The following RBMS3 variants were observed in gnomAD, a reference collection of about 807,000 sequenced individuals.
RBMS3 encodes RNA-binding motif, single-stranded-interacting protein 3.
Under a neutral mutation model 66.8 loss-of-function variants are expected in RBMS3, and 27 were observed. That is an observed-to-expected ratio of 0.40 (90% confidence interval 0.30 to 0.56). The LOEUF (loss-of-function observed/expected upper bound fraction) is 0.56, where lower values mean the gene tolerates loss of function less well. Among genes scored for constraint, RBMS3 ranks in the 20% least tolerant of loss-of-function variants. The pLI is 0.40. For missense variants in RBMS3, 513 were observed against 549.5 expected (o/e 0.93, Z 0.66); for synonymous variants, 188 against 183.0 (o/e 1.03, Z -0.22).
intron 12 of RBMS3, among the ~76,000 whole-genome samples, chr3:29,952,342 A>G (rs1695738359): frequency 6.6e-6 from 1 of 151,882 alleles, no homozygotes; most frequent in Non-Finnish European, 1.5e-5. Flanking sequence ...CAATATTTCC[A>G]TAACCAATAG....
At chr3:29,950,052 T>C (rs1260111997) in intron 12 of RBMS3, among the ~76,000 whole-genome samples, 1 of 151,786 alleles carries the variant, frequency 6.6e-6, no homozygotes, top group African/African-American at 2.4e-5. Context: ...CTATTCTATT[T>C]CCCCCTGGGT....
At chr3:29,711,700 G>A (rs78379878) in intron 4 of RBMS3, among the ~76,000 whole-genome samples, 4,301 of 152,192 alleles carry the variant, frequency 0.028, 88 homozygotes, top group Admixed American at 0.064. Context: ...TTCTTCCCAT[G>A]GCTCCATACA....
chr3:29,843,992 A>G (rs143675583), intron 6 of RBMS3, among the ~76,000 whole-genome samples: 1 of 151,932 alleles, frequency 6.6e-6, no homozygotes, highest in Non-Finnish European at 1.5e-5. Flanking sequence ...TAGTCTGTTC[A>G]CAGTATAATT....
chr3:29,654,253 T>A (rs1484863896), intron 4 of RBMS3, among the ~76,000 whole-genome samples: 1 of 152,154 alleles, frequency 6.6e-6, no homozygotes. Flanking sequence ...TGGAATATAG[T>A]AGGGAGAGAT....
intron 10 of RBMS3, among the ~76,000 whole-genome samples, 176 bp downstream of exon 10, chr3:29,899,931 C>A (rs1338527627): frequency 2.0e-5 from 3 of 151,264 alleles, no homozygotes; most frequent in African/African-American, 7.3e-5. Context: ...CAATAGATAG[C>A]TAGAGATCAA....
chr3:29,497,973 A>ATTTTTTTTTTTTTTTTTTTTTTTTTTTTT lies in RBMS3; in HGVS notation c.307+9483_307+9511dup, dbSNP rs779555263. Among the ~76,000 whole-genome samples, 2 of 43,416 alleles carry ATTTTTTTTTTTTTTTTTTTTTTTTTTTTT rather than the reference A, an allele frequency of 4.6e-5. 1 individual carries two copies. The highest frequency in any genetic ancestry group is 8.2e-5 in the Non-Finnish European group (2 of 24,412). 28.5% of individuals were successfully genotyped at this position (43,416 alleles called of 152,430 possible). A position where few individuals can be genotyped will look rare whatever the true frequency, so the allele number is the denominator to read the frequency against. Reference sequence around the variant, plus strand: ...TCAGAGTTATTCTCTAAAAGTATTCATTTTTTTTTTTTTTTTTTTTTTTTT... The same window carrying ATTTTTTTTTTTTTTTTTTTTTTTTTTTTT: ...TCAGAGTTATTCTCTAAAAGTATTCATTTTTTTTTTTTTTTTTTTTTTTTTTTTTTTTTTTTTTTTTTTTTTTTTTTTTT... On this transcript the variant is annotated intron_variant, in intron 3 of 14. Coordinates refer to ENST00000383767, the MANE Select transcript of RBMS3 (RefSeq NM_001003793.3).
At chr3:29,773,135 G>A (rs547481747) in intron 6 of RBMS3, among the ~76,000 whole-genome samples, 1 of 151,886 alleles carries the variant, frequency 6.6e-6, no homozygotes, top group South Asian at 2.1e-4. Flanking sequence ...GGAGCTCCTC[G>A]AGGTTATAAT....
intron 6 of RBMS3, among the ~76,000 whole-genome samples, chr3:29,809,065 T>C (rs927377746): frequency 5.9e-5 from 9 of 152,046 alleles, no homozygotes; most frequent in African/African-American, 2.2e-4. Flanking sequence ...TATCCAAATA[T>C]CTAGTTAGTA....
chr3:29,448,840 G>T (rs905466071), intron 2 of RBMS3, among the ~76,000 whole-genome samples: 2 of 152,156 alleles, frequency 1.3e-5, no homozygotes, highest in Non-Finnish European at 2.9e-5. Context: ...TAACAGAACT[G>T]AGGCACTAAG....
intron 8 of RBMS3, among the ~76,000 whole-genome samples, chr3:29,885,695 C>A (rs942575864): frequency 4.0e-5 from 6 of 151,708 alleles, no homozygotes; most frequent in Non-Finnish European, 8.8e-5. Flanking sequence ...TAATTGGATT[C>A]AATAAATATT....
intron 4 of RBMS3, among the ~76,000 whole-genome samples, chr3:29,683,231 G>C (rs2051572078): frequency 6.6e-6 from 1 of 152,086 alleles, no homozygotes; most frequent in South Asian, 2.1e-4. Flanking sequence ...GAGTTGCTTT[G>C]CTCAAGATCA....
chr3:29,300,327 G>C (rs1421393436), intron 1 of RBMS3, among the ~76,000 whole-genome samples: 1 of 151,898 alleles, frequency 6.6e-6, no homozygotes, highest in Non-Finnish European at 1.5e-5. Context: ...AGAAATTTTT[G>C]AAAAGAGATT....
intron 10 of RBMS3, among the ~76,000 whole-genome samples, chr3:29,907,750 A>C (rs182460728): frequency 5.3e-5 from 8 of 152,090 alleles, no homozygotes; most frequent in Non-Finnish European, 1.0e-4. Context: ...AATTTGGAAT[A>C]ATTCCTTTTT....
At chr3:29,367,048 T>A (rs1404944400) in intron 1 of RBMS3, among the ~76,000 whole-genome samples, 1 of 152,150 alleles carries the variant, frequency 6.6e-6, no homozygotes, top group Non-Finnish European at 1.5e-5. Context: ...GGTAAAAGAC[T>A]ACAAATTTGT....
At chr3:29,422,396 C>CAAAAA (rs386396246) in intron 1 of RBMS3, among the ~76,000 whole-genome samples, 5 of 130,802 alleles carry the variant, frequency 3.8e-5, no homozygotes, top group East Asian at 2.2e-4. Context: ...ATCACCAGCC[C>CAAAAA]AAAAAAAAAA....
intron 14 of RBMS3, among the ~76,000 whole-genome samples, chr3:29,994,170 A>C (rs900626489): frequency 6.6e-6 from 1 of 152,204 alleles, no homozygotes; most frequent in Non-Finnish European, 1.5e-5. Flanking sequence ...GGGGTGACGG[A>C]CGGCACCTGG....
chr3:29,720,629 A>G lies in RBMS3; in HGVS notation c.400-19091A>G, dbSNP rs959472045. On this transcript the variant is annotated intron_variant, in intron 4 of 14. Transcript: ENST00000383767. Reference sequence around the variant, plus strand: ...CAAATCTCTGGCATTTTTTTGTTGTATTGGCATTGTTCTCACTAAAGTGTG... The same window carrying G: ...CAAATCTCTGGCATTTTTTTGTTGTGTTGGCATTGTTCTCACTAAAGTGTG... Among the ~76,000 whole-genome samples the G allele has an allele frequency of 2.0e-5, 3 of 151,316 alleles. 1 individual carries two copies. The highest frequency in any genetic ancestry group is 7.3e-5 in the African/African-American group (3 of 41,112).
chr3:30,008,215 TGAG>T lies in RBMS3; in HGVS notation c.*4357_*4359del, dbSNP rs951615093. 9.2e-5 allele frequency: 14 copies of T among 152,182 alleles called. No homozygotes were observed. The highest frequency in any genetic ancestry group is 8.3e-4 in the South Asian group (4 of 4,828). 9.4% of individuals were successfully genotyped at this position (152,182 alleles called of 1,614,324 possible). On this transcript the variant is annotated 3_prime_UTR_variant, in exon 15 of 15. Coordinates refer to ENST00000383767, the MANE Select transcript of RBMS3 (RefSeq NM_001003793.3). ...GGACTCTTGCAGTCATCTTCACGAC[TGAG>T]GAGAAGTTTCAATAGGCTGTCTAGA...
chr3:29,553,964 CCTT>C (rs908411765), intron 3 of RBMS3, among the ~76,000 whole-genome samples: 2 of 152,086 alleles, frequency 1.3e-5, no homozygotes, highest in Non-Finnish European at 2.9e-5. Context: ...ATTACTGTAA[CCTT>C]CTTCCAAATC....
Sources: allele counts gnomAD v4.1 joint callset (sites outside exome capture counted in the v4.1 genomes callset), GRCh38; gene constraint gnomAD v4.1.1; transcripts MANE v1.5; gene names NCBI Gene and HGNC (gene_info 2026-07-23, HGNC 2026-07-21).